Variants in ATP13A4 observed in about 807,000 individuals in gnomAD.
ATP13A4 encodes the protein ATPase 13A4.
ATP13A4 carries 114 observed loss-of-function variants against 142.5 expected under a neutral mutation model. The ratio of observed to expected loss-of-function variants is 0.80; its 90% CI spans 0.69 to 0.93. ATP13A4 has a LOEUF of 0.93. Among genes scored for constraint, ATP13A4 ranks in the 40% least tolerant of loss-of-function variants. ATP13A4 has a pLI of 0.00. For synonymous variants in ATP13A4, 488 were observed against 514.8 expected, an observed-to-expected ratio of 0.95 and a Z score of 0.70; for missense variants, 1,392 against 1,454.0, an observed-to-expected ratio of 0.96 and a Z score of 0.69.
At chr3:193,505,797 A>C (rs1720831746) in intron 2 of ATP13A4, among the ~76,000 whole-genome samples, 1 of 152,182 alleles carries the variant, frequency 6.6e-6, no homozygotes. Context: ...TGGTCACTTC[A>C]GGCAAAATCA....
chr3:193,470,582 G>C (rs969826601), intron 9 of ATP13A4, among the ~76,000 whole-genome samples: 8 of 152,228 alleles, frequency 5.3e-5, no homozygotes, highest in Non-Finnish European at 1.2e-4. Context: ...AGGTAAATGA[G>C]AGGGTTGTAA....
upstream of ATP13A4, chr3:193,555,036 G>C: frequency 1.0e-6 from 1 of 981,484 alleles, no homozygotes; most frequent in Non-Finnish European, 1.5e-6. Flanking sequence ...CCTGCTTATT[G>C]CATTCTCTCA....
chr3:193,411,170 C>G, intron 27 of ATP13A4, 100 bp from the exon 28 acceptor site: 2 of 841,806 alleles, frequency 2.4e-6, no homozygotes, highest in Non-Finnish European at 4.1e-6. Flanking sequence ...ATTTAATTTA[C>G]TTGATTTCTA....
chr3:193,488,550 T>G (rs1719768167), intron 7 of ATP13A4, among the ~76,000 whole-genome samples: 1 of 152,172 alleles, frequency 6.6e-6, no homozygotes, highest in African/African-American at 2.4e-5. Flanking sequence ...TTAAAAGAAC[T>G]TTTTAAATTT....
At chr3:193,403,815 A>C (rs1714363404) in intron 29 of ATP13A4, 9 of 985,300 alleles carry the variant, frequency 9.1e-6, no homozygotes, top group Non-Finnish European at 1.1e-5. Flanking sequence ...ACAAAGAAAA[A>C]ATATGGGACG....
intron 2 of ATP13A4, among the ~76,000 whole-genome samples, chr3:193,575,261 T>C (rs1008504728): frequency 6.6e-6 from 1 of 152,224 alleles, no homozygotes; most frequent in African/African-American, 2.4e-5. Flanking sequence ...AGAGGAGCTA[T>C]AGTGAGAACT....
intron 25 of ATP13A4, among the ~76,000 whole-genome samples, chr3:193,418,407 C>A (rs73198942): frequency 6.7e-6 from 1 of 148,994 alleles, no homozygotes; most frequent in Non-Finnish European, 1.5e-5. Context: ...CAAAGACAAC[C>A]AAAACAACAC....
At position 193,411,073 on chromosome 3, in the gene ATP13A4, G is replaced by A; in HGVS notation, c.3209-3C>T. On this transcript the variant is annotated splice_region_variant and splice_polypyrimidine_tract_variant and intron_variant, in intron 27 of 29. Coordinates refer to ENST00000342695, the MANE Select transcript of ATP13A4 (RefSeq NM_032279.4). ...TATCAGCACAAGGACAAATATATCT[G>A]AGGAAATAAGAACACAAGGTATTAT... is the stretch of plus-strand genomic sequence containing the variant. 1 of 1,586,202 alleles carries A rather than the reference G, an allele frequency of 6.3e-7. No individual in the cohort carries two copies. The highest frequency in any genetic ancestry group is 8.7e-7 in the Non-Finnish European group (1 of 1,154,812).
Position 193,402,052 on chromosome 3 carries a change from A to C in ATP13A4, c.*600T>G, listed in dbSNP as rs1048208441. ...CAGAGTGTCACCTGGATCACGAAAG[A>C]AGCACTTGTGTGTTAAGGCACTGAT... On this transcript the variant is annotated 3_prime_UTR_variant, in exon 30 of 30. Transcript: ENST00000342695. 2 of 153,444 alleles carry C rather than the reference A, an allele frequency of 1.3e-5. No individual in the cohort carries two copies. The highest frequency in any genetic ancestry group is 1.3e-4 in the Admixed American group (2 of 15,490). 9.5% of individuals were successfully genotyped at this position (153,444 alleles called of 1,614,324 possible).
chr3:193,492,025 T>C (rs1719971753), intron 5 of ATP13A4, among the ~76,000 whole-genome samples: 1 of 152,214 alleles, frequency 6.6e-6, no homozygotes, highest in Non-Finnish European at 1.5e-5. Flanking sequence ...TTTCTCTGTG[T>C]CTTCCACCTC....
intron 7 of ATP13A4, among the ~76,000 whole-genome samples, chr3:193,487,914 C>CTA (rs535594315): frequency 1.4e-3 from 216 of 152,230 alleles, no homozygotes; most frequent in African/African-American, 5.1e-3. Flanking sequence ...TACGGTACAT[C>CTA]TAGAGAAAAT....
chr3:193,463,200 G>A (rs952676076), intron 12 of ATP13A4, among the ~76,000 whole-genome samples: 1 of 152,024 alleles, frequency 6.6e-6, no homozygotes, highest in South Asian at 2.1e-4. Context: ...AAACTTTAGT[G>A]TCCTCCATAA....
intron 2 of ATP13A4, among the ~76,000 whole-genome samples, chr3:193,511,473 G>A (rs1190161196): frequency 6.6e-6 from 1 of 152,148 alleles, no homozygotes; most frequent in Non-Finnish European, 1.5e-5. Context: ...AGGCTCGTGG[G>A]TAATTAGGAA....
intron 9 of ATP13A4, among the ~76,000 whole-genome samples, chr3:193,468,262 G>T (rs1444925537): frequency 1.3e-5 from 2 of 152,158 alleles, no homozygotes; most frequent in African/African-American, 2.4e-5. Context: ...CTTTAATCAG[G>T]AGAGTAATAT....
intron 9 of ATP13A4, among the ~76,000 whole-genome samples, chr3:193,469,273 T>C (rs1718477720): frequency 6.6e-6 from 1 of 152,160 alleles, no homozygotes; most frequent in African/African-American, 2.4e-5. Flanking sequence ...AAGATAGTTT[T>C]CAGAAAGAGA....
intron 3 of ATP13A4, among the ~76,000 whole-genome samples, chr3:193,496,332 C>G (rs150624668): frequency 6.6e-6 from 1 of 152,082 alleles, no homozygotes; most frequent in Admixed American, 6.6e-5. Flanking sequence ...CACTACAAAG[C>G]GATAGTAACT....
At position 193,442,551 on chromosome 3, in the gene ATP13A4, T is replaced by C. The variant is rs1432904705; in HGVS notation, c.2158A>G (p.Asn720Asp). ...RIRTVMITGD[N>D]LQTAITVARK... ...GCCACTGTTATTGCAGTCTGAAGAT[T>C]GTCACCTAGAGGAAAGGAGGAGTAT... The change falls in exon 19 of 30, where the codon AAT becomes GAT. Residue 720 changes from asparagine to aspartate, a missense_variant. Coordinates refer to ENST00000342695, the MANE Select transcript of ATP13A4 (RefSeq NM_032279.4). The C allele has an allele frequency of 2.5e-6, 4 of 1,613,486 alleles. No homozygotes were observed. The highest frequency in any genetic ancestry group is 3.4e-6 in the Non-Finnish European group (4 of 1,179,610).
intron 5 of ATP13A4, among the ~76,000 whole-genome samples, 189 bp from the exon 6 acceptor site, chr3:193,491,587 G>A (rs759911467): frequency 4.0e-5 from 6 of 151,544 alleles, no homozygotes; most frequent in Admixed American, 1.3e-4. Flanking sequence ...TTGCAAAAAC[G>A]ATAAATATGA....
At chr3:193,472,932 A>T (rs1718707833) in intron 8 of ATP13A4, among the ~76,000 whole-genome samples, 1 of 152,226 alleles carries the variant, frequency 6.6e-6, no homozygotes, top group Admixed American at 6.5e-5. Flanking sequence ...ATATCAATGT[A>T]CTAGATAGAG....
Sources: gnomAD v4.1 joint callset for allele counts (sites outside exome capture counted in the v4.1 genomes callset) on GRCh38, gnomAD v4.1.1 for gene constraint, MANE v1.5 for transcripts, NCBI Gene and HGNC (gene_info 2026-07-23, HGNC 2026-07-21) for gene names.